The following SORBS2 variants were observed in gnomAD, a reference collection of about 807,000 sequenced individuals.
SORBS2 encodes sorbin and SH3 domain-containing protein 2.
In SORBS2, 46 loss-of-function variants were observed where a neutral mutation model predicts 97.7. The observed-to-expected ratio is 0.47, with a 90% CI of 0.37 to 0.60. SORBS2 has a LOEUF of 0.60. Ranked by LOEUF, SORBS2 falls within the 20% of genes least tolerant of loss-of-function variation. SORBS2 has a pLI of 0.00. For missense variants in SORBS2, 1,316 were observed against 1,282.3 expected, an observed-to-expected ratio of 1.03 and a Z score of -0.40; for synonymous variants, 476 against 473.4, an observed-to-expected ratio of 1.01 and a Z score of -0.07.
chr4:185,764,385 G>C (rs1421164395), intron 2 of SORBS2, among the ~76,000 whole-genome samples: 3 of 152,126 alleles, frequency 2.0e-5, no homozygotes, highest in Non-Finnish European at 4.4e-5. Flanking sequence ...ATAACTTAAA[G>C]AGTAAATATC....
chr4:185,674,508 C>T (rs2097765194), intron 4 of SORBS2, among the ~76,000 whole-genome samples: 1 of 152,150 alleles, frequency 6.6e-6, no homozygotes, highest in African/African-American at 2.4e-5. Flanking sequence ...GTACGTTTTT[C>T]ACTGAGCTGC....
In SORBS2 at chr4:185,790,607, A is replaced by G. The variant is rs2099075797; in HGVS notation, c.-337-15241T>C. On this transcript the variant is annotated intron_variant, in intron 1 of 20. Coordinates refer to the SORBS2 transcript ENST00000284776. ...AAATCTATGAACTCATATTTTACTC[A>G]ATTTATTTGTGCAGCCATATATAAA... is the stretch of plus-strand genomic sequence containing the variant. Among the ~76,000 whole-genome samples the G allele has an allele frequency of 2.0e-5, 3 of 152,190 alleles. No homozygotes were observed. In the South Asian group the frequency reaches 6.2e-4, roughly 32 times the overall value.
At chr4:185,646,314 A>G (rs919348754) in intron 4 of SORBS2, 1 of 164,970 alleles carries the variant, frequency 6.1e-6, no homozygotes, top group Non-Finnish European at 1.3e-5. Flanking sequence ...ATGATTAGGC[A>G]CAGTTAGAGT....
Position 185,607,358 on chromosome 4 carries a change from T to G in SORBS2, c.2796+4422A>C. On this transcript the variant is annotated intron_variant, in intron 12 of 14. Coordinates refer to ENST00000418609, the Ensembl canonical transcript of SORBS2. This position sits in a 1 kb window ranked among gnomAD's most constrained non-coding sequence, Gnocchi z 5.2. Reference sequence around the variant, plus strand: ...GGTTCACTGGAAGCCAACTTGGAAATGAGCACGGATTATGAAGTTAAGAAA... The same window carrying G: ...GGTTCACTGGAAGCCAACTTGGAAAGGAGCACGGATTATGAAGTTAAGAAA... 7.9e-7 allele frequency: 1 copy of G among 1,270,988 alleles called. No homozygotes were observed. The highest frequency in any genetic ancestry group is 1.0e-6 in the Non-Finnish European group (1 of 972,444). 78.7% of individuals were successfully genotyped at this position (1,270,988 alleles called of 1,614,324 possible). A position where few individuals can be genotyped will look rare whatever the true frequency, so the allele number is the denominator to read the frequency against.
At chr4:185,653,177 A>G (rs781359433) in intron 1 of SORBS2, among the ~76,000 whole-genome samples, 1 of 152,216 alleles carries the variant, frequency 6.6e-6, no homozygotes, top group Non-Finnish European at 1.5e-5. Flanking sequence ...CTCAAATTGT[A>G]TTCTGATCAG....
chr4:185,832,444 A>G (rs2099205670), intron 1 of SORBS2, among the ~76,000 whole-genome samples: 1 of 152,234 alleles, frequency 6.6e-6, no homozygotes. Context: ...CTGGTTAAAA[A>G]TAAACTCCAC....
intron 1 of SORBS2, chr4:185,811,006 G>A (rs1230105531): frequency 6.6e-6 from 1 of 152,138 alleles, no homozygotes; most frequent in East Asian, 1.9e-4. Flanking sequence ...AGCCGGGGGA[G>A]CACAATGGGG....
intron 4 of SORBS2, among the ~76,000 whole-genome samples, chr4:185,644,054 T>A (rs2097171129): frequency 6.6e-6 from 1 of 152,176 alleles, no homozygotes; most frequent in African/African-American, 2.4e-5. Flanking sequence ...CAGGACTAAT[T>A]TTTTTAAAAA....
chr4:185,585,744 A>T (rs1041256245), exon 15 of SORBS2: 2 of 152,250 alleles, frequency 1.3e-5, no homozygotes, highest in East Asian at 1.9e-4. Flanking sequence ...TTCATTTATC[A>T]GCAAAGCTGC....
At position 185,614,159 on chromosome 4, in the gene SORBS2, GTTTT is replaced by G. The variant is rs34929054; in HGVS notation, c.2595+668_2595+671del. On this transcript the variant is annotated intron_variant, in intron 11 of 14. Coordinates refer to ENST00000418609, the Ensembl canonical transcript of SORBS2. ...AAGAGGTTTTTGATTGTTTTTTTGT[GTTTT>G]TTTTTTTTTTTTTTTTTTTGAGATG... is the stretch of plus-strand genomic sequence containing the variant. 5.5e-3 allele frequency among the ~76,000 whole-genome samples: 508 copies of G among 91,592 alleles called. 1 individual carries two copies. Among genetic ancestry groups the G allele is most frequent in the Middle Eastern group, 7.5e-3 (1 of 134 alleles). 60.1% of individuals were successfully genotyped at this position (91,592 alleles called of 152,430 possible).
intron 3 of SORBS2, among the ~76,000 whole-genome samples, chr4:185,646,995 TG>T (rs1272772846): frequency 6.6e-6 from 1 of 152,216 alleles, no homozygotes; most frequent in African/African-American, 2.4e-5. Flanking sequence ...AGTGAGTCCC[TG>T]GGTTCCTAAT....
At chr4:185,703,665 G>A (rs535355103) in intron 2 of SORBS2, among the ~76,000 whole-genome samples, 1 of 152,256 alleles carries the variant, frequency 6.6e-6, no homozygotes, top group African/African-American at 2.4e-5. Flanking sequence ...TTACTGTTGA[G>A]AAATGTCGGC....
At chr4:185,886,554 C>CAAAAAAAAAAAAAAAAAAA (rs1198439527) in intron 1 of SORBS2, among the ~76,000 whole-genome samples, 14 of 72,922 alleles carry the variant, frequency 1.9e-4, no homozygotes, top group Middle Eastern at 7.2e-3. Context: ...GACTCTGTCT[C>CAAAAAAAAAAAAAAAAAAA]AAAAAAAAAA....
intron 1 of SORBS2, among the ~76,000 whole-genome samples, chr4:185,789,629 T>G (rs1293903533): frequency 1.3e-5 from 2 of 151,786 alleles, no homozygotes; most frequent in African/African-American, 4.8e-5. Context: ...CATAATTTCA[T>G]TCTATAGTCT....
intron 1 of SORBS2, among the ~76,000 whole-genome samples, chr4:185,873,035 G>A (rs28702910): frequency 0.21 from 32,086 of 152,120 alleles, 5,156 homozygotes; most frequent in African/African-American, 0.45. Context: ...CTAGCATAGA[G>A]AGGATGCTTA....
chr4:185,739,829 T>G (rs2098711239), intron 2 of SORBS2, among the ~76,000 whole-genome samples: 1 of 152,198 alleles, frequency 6.6e-6, no homozygotes, highest in Non-Finnish European at 1.5e-5. Flanking sequence ...ACTAAGAAAC[T>G]GAAGGACACA....
intron 2 of SORBS2, among the ~76,000 whole-genome samples, chr4:185,708,514 A>C (rs1289881175): frequency 1.3e-5 from 2 of 152,192 alleles, no homozygotes; most frequent in Non-Finnish European, 2.9e-5. Flanking sequence ...TTTTAGTTAT[A>C]ATCACAGGAG....
chr4:185,738,115 A>G (rs1027314143), intron 2 of SORBS2, among the ~76,000 whole-genome samples: 9 of 152,224 alleles, frequency 5.9e-5, no homozygotes, highest in Admixed American at 2.6e-4. Flanking sequence ...GTCAATCGAG[A>G]CAGCCTGTTT....
intron 1 of SORBS2, among the ~76,000 whole-genome samples, chr4:185,931,978 G>GTCTCTC (rs71598510): frequency 7.1e-6 from 1 of 140,012 alleles, no homozygotes; most frequent in Admixed American, 7.0e-5. Flanking sequence ...GGAAGAACCT[G>GTCTCTC]TCTCTCTCTC....
Sources: allele counts gnomAD v4.1 joint callset (sites outside exome capture counted in the v4.1 genomes callset), GRCh38; gene constraint gnomAD v4.1.1; non-coding constraint Gnocchi (gnomAD v3.1); transcripts MANE v1.5; gene names NCBI Gene and HGNC (gene_info 2026-07-23, HGNC 2026-07-21).